The following TACC2 variants were observed in gnomAD, a reference collection of about 807,000 sequenced individuals.
The protein encoded by TACC2 is transforming acidic coiled-coil containing protein 2, also known as transforming acidic coiled-coil-containing protein 2.
TACC2 carries 137 observed loss-of-function variants against 227.3 expected under a neutral mutation model. The observed-to-expected ratio is 0.60, with a 90% CI of 0.52 to 0.69. The LOEUF (loss-of-function observed/expected upper bound fraction) is 0.69. Among genes scored for constraint, TACC2 ranks in the 30% least tolerant of loss-of-function variants. TACC2 has a pLI of 0.00. For missense variants in TACC2, 3,470 were observed against 3,694.4 expected, an observed-to-expected ratio of 0.94 and a Z score of 1.57; for synonymous variants, 1,523 against 1,487.5, an observed-to-expected ratio of 1.02 and a Z score of -0.55.
chr10:122,110,310 C>T (rs4462273), intron 5 of TACC2, among the ~76,000 whole-genome samples: 126,673 of 152,112 alleles, frequency 0.83, 53,812 homozygotes, highest in East Asian at 0.98. Flanking sequence ...TGTACCATTA[C>T]TGCATTGTTA....
At chr10:122,123,740 T>G (rs988814870) in intron 5 of TACC2, among the ~76,000 whole-genome samples, 1 of 152,102 alleles carries the variant, frequency 6.6e-6, no homozygotes, top group African/African-American at 2.4e-5. Context: ...GTGAGAACTA[T>G]GCCGGTGTTC....
At position 122,185,885 on chromosome 10, in the gene TACC2, T is replaced by G. The variant is rs566526866; in HGVS notation, c.5835-9155T>G. On this transcript the variant is annotated intron_variant, in intron 7 of 22. Coordinates refer to ENST00000369005, the MANE Select transcript of TACC2 (RefSeq NM_206862.4). ...AAGCTCCTTCTGTGTCTTTTTGAAT[T>G]CAGTTTTATATTCTTTTCTTATTAG... Among the ~76,000 whole-genome samples, 4 of 152,344 alleles carry G rather than the reference T, an allele frequency of 2.6e-5. No individual in the cohort carries two copies. The South Asian group carries it at 8.3e-4, about 32-fold the overall frequency.
intron 7 of TACC2, among the ~76,000 whole-genome samples, 154 bp downstream of exon 7, chr10:122,143,860 A>G (rs1320949309): frequency 6.6e-6 from 1 of 152,164 alleles, no homozygotes; most frequent in Non-Finnish European, 1.5e-5. Flanking sequence ...CCTTTGGGCC[A>G]TAGCCGATCT....
intron 5 of TACC2, chr10:122,112,881 G>A (rs988699597): frequency 6.6e-6 from 1 of 152,022 alleles, no homozygotes; most frequent in African/African-American, 2.4e-5. Context: ...GCCCGGCCCC[G>A]CGCATTCCTG....
intron 6 of TACC2, among the ~76,000 whole-genome samples, chr10:122,137,257 G>A (rs1452345527): frequency 6.6e-6 from 1 of 150,668 alleles, no homozygotes; most frequent in African/African-American, 2.4e-5. Flanking sequence ...ATGGCCACTT[G>A]TACTCTCATC....
chr10:122,084,487 C>T lies in TACC2; in HGVS notation c.1987C>T (p.Leu663=), dbSNP rs1490064597. Residue 663 remains leucine, a synonymous_variant, in exon 4 of 23, where the codon CTG becomes TTG. Coordinates refer to ENST00000369005, the MANE Select transcript of TACC2 (RefSeq NM_206862.4). ...EADASGLPHK[L]GEEDPVLPPV... ...TGATGCATCTGGCCTACCACACAAG[C>T]TGGGTGAGGAGGACCCCGTCCTGCC... The T allele has an allele frequency of 5.0e-6, 8 of 1,613,368 alleles. No homozygotes were observed. The East Asian group carries it at 1.8e-4, about 36-fold the overall frequency.
At chr10:122,002,890 A>G (rs1554954706) in intron 1 of TACC2, among the ~76,000 whole-genome samples, 1 of 151,840 alleles carries the variant, frequency 6.6e-6, no homozygotes, top group Non-Finnish European at 1.5e-5. Context: ...TAATTTTTCT[A>G]GTTTATTCCA....
chr10:122,163,750 C>CCG (rs941464093), intron 7 of TACC2: 1 of 1,195,192 alleles, frequency 8.4e-7, no homozygotes, highest in Non-Finnish European at 1.0e-6. Context: ...CCGGCTCGGG[C>CCG]CGCGAGTCGC....
At chr10:122,228,035 C>T (rs777240325) in intron 14 of TACC2, 27 bp downstream of exon 14, 1 of 1,605,310 alleles carries the variant, frequency 6.2e-7, no homozygotes, top group Non-Finnish European at 8.5e-7. Flanking sequence ...GGCCCCAGAT[C>T]ACAGGGGATG....
intron 8 of TACC2, among the ~76,000 whole-genome samples, chr10:122,195,732 A>G (rs1270345598): frequency 6.6e-6 from 1 of 152,078 alleles, no homozygotes; most frequent in African/African-American, 2.4e-5. Context: ...GACAGGTGGA[A>G]TAGATCTCGT....
At chr10:122,033,576 G>T (rs1460023535) in intron 2 of TACC2, among the ~76,000 whole-genome samples, 3 of 152,194 alleles carry the variant, frequency 2.0e-5, no homozygotes, top group African/African-American at 7.2e-5. Flanking sequence ...TGTAAAAGAA[G>T]ATTAAATTCT....
At chr10:122,145,157 C>A (rs1252354480) in intron 7 of TACC2, among the ~76,000 whole-genome samples, 1 of 152,148 alleles carries the variant, frequency 6.6e-6, no homozygotes, top group Non-Finnish European at 1.5e-5. Flanking sequence ...ACAATATGAC[C>A]CAGCAATCCC....
intron 1 of TACC2, among the ~76,000 whole-genome samples, chr10:121,991,644 A>G (rs554652397): frequency 6.6e-6 from 1 of 152,360 alleles, no homozygotes; most frequent in African/African-American, 2.4e-5. Flanking sequence ...CTCAGCCGGT[A>G]TACAGAGATG....
chr10:122,178,913 T>C (rs1284344140), intron 7 of TACC2, among the ~76,000 whole-genome samples: 1 of 152,148 alleles, frequency 6.6e-6, no homozygotes, highest in African/African-American at 2.4e-5. Context: ...CTACTGTTTT[T>C]AAAGCAATTT....
rs558679964 is a variant in TACC2 at position 122,237,543 on chromosome 10, C to A, written c.8271+5C>A. 1 of 1,609,894 alleles carries A rather than the reference C, an allele frequency of 6.2e-7. No homozygotes were observed. The highest frequency in any genetic ancestry group is 1.1e-5 in the South Asian group (1 of 90,264). ...CTCCAGATCGCCAGAGCAGAGGTAT[C>A]GTGGCATGTGGTGTAATTACCCTCT... On this transcript the variant is annotated splice_donor_5th_base_variant and intron_variant, in intron 17 of 22. Coordinates refer to ENST00000369005, the MANE Select transcript of TACC2 (RefSeq NM_206862.4).
chr10:122,128,203 C>A (rs2138678663), intron 5 of TACC2, among the ~76,000 whole-genome samples: 1 of 152,238 alleles, frequency 6.6e-6, no homozygotes, highest in Non-Finnish European at 1.5e-5. Flanking sequence ...AGTCCCCTGG[C>A]TTAGATCCCA....
At chr10:122,177,126 C>A (rs2093756290) in intron 7 of TACC2, among the ~76,000 whole-genome samples, 1 of 152,176 alleles carries the variant, frequency 6.6e-6, no homozygotes, top group Non-Finnish European at 1.5e-5. Flanking sequence ...AGAGCCACTC[C>A]TGTGTCTGCA....
intron 14 of TACC2, among the ~76,000 whole-genome samples, chr10:122,228,981 T>C (rs375656618): frequency 1.3e-5 from 2 of 152,164 alleles, no homozygotes; most frequent in East Asian, 3.9e-4. Context: ...CATATATATA[T>C]ATATTTGGAA....
chr10:122,093,050 G>A (rs1316964135), intron 5 of TACC2, among the ~76,000 whole-genome samples: 5 of 151,208 alleles, frequency 3.3e-5, no homozygotes, highest in Non-Finnish European at 5.9e-5. Context: ...CAAGCTTGTC[G>A]TTGCTGAATA....
Sources: allele counts gnomAD v4.1 joint callset (sites outside exome capture counted in the v4.1 genomes callset), GRCh38; gene constraint gnomAD v4.1.1; transcripts MANE v1.5; gene names NCBI Gene and HGNC (gene_info 2026-07-23, HGNC 2026-07-21).